Variants in TTC34 observed in about 807,000 individuals in gnomAD.
TTC34 encodes tetratricopeptide repeat protein 34.
TTC34 carries 44 observed loss-of-function variants against 40.7 expected under a neutral mutation model. The ratio of observed to expected loss-of-function variants is 1.08; its 90% CI spans 0.85 to 1.39. The LOEUF (loss-of-function observed/expected upper bound fraction) is 1.39, where lower values mean the gene tolerates loss of function less well. TTC34 is among the 40% of genes most tolerant of loss of function. TTC34 has a pLI of 0.00. For missense variants in TTC34, 884 were observed against 838.0 expected, an observed-to-expected ratio of 1.05 and a Z score of -0.68; for synonymous variants, 422 against 398.6, an observed-to-expected ratio of 1.06 and a Z score of -0.70.
chr1:2,691,968 T>G lies in TTC34; in HGVS notation c.2227-46405A>C, dbSNP rs545832665. Among the ~76,000 whole-genome samples the G allele has an allele frequency of 9.8e-4, 76 of 77,386 alleles. 3 individuals carry two copies. The highest frequency in any genetic ancestry group is 8.7e-3 in the South Asian group (22 of 2,540). 50.8% of individuals were successfully genotyped at this position (77,386 alleles called of 152,430 possible). A position where few individuals can be genotyped will look rare whatever the true frequency, so the allele number is the denominator to read the frequency against. ...AACCCCAGGTGAGCATCTGACAGAC[T>G]GGAACAGCTCCCACACCCCCAGGCG... is the stretch of plus-strand genomic sequence containing the variant. On this transcript the variant is annotated intron_variant, in intron 6 of 8. Coordinates refer to ENST00000401095, the Ensembl canonical transcript of TTC34.
At chr1:2,749,478 C>CGA (rs1641247079) in intron 6 of TTC34, among the ~76,000 whole-genome samples, 1 of 105,528 alleles carries the variant, frequency 9.5e-6, no homozygotes, top group Non-Finnish European at 1.9e-5. Flanking sequence ...GGAACAGCAC[C>CGA]CACATCCCCA....
chr1:2,749,924 AC>A (rs1641261505), intron 6 of TTC34, among the ~76,000 whole-genome samples: 4 of 21,620 alleles, frequency 1.9e-4, no homozygotes, highest in African/African-American at 1.3e-3. Flanking sequence ...GGCACCCACA[AC>A]CCCAGGCGAG....
intron 6 of TTC34, among the ~76,000 whole-genome samples, chr1:2,687,240 C>T (rs1444051327): frequency 1.4e-5 from 2 of 138,852 alleles, no homozygotes; most frequent in African/African-American, 2.9e-5. Context: ...GAGCAGCACC[C>T]ACACCCCCAG....
chr1:2,787,570 C>G, exon 4 of TTC34: 3 of 1,546,408 alleles, frequency 1.9e-6, no homozygotes, highest in Non-Finnish European at 2.6e-6. Context: ...CGGGATAGGG[C>G]CACCAGCAGG....
intron 6 of TTC34, among the ~76,000 whole-genome samples, chr1:2,769,405 C>T (rs1396251149): frequency 3.3e-5 from 1 of 30,066 alleles, no homozygotes; most frequent in African/African-American, 2.1e-4. Context: ...GAGCATCTGA[C>T]AGCCTGGAAC....
At chr1:2,687,962 C>G (rs1640441762) in intron 6 of TTC34, among the ~76,000 whole-genome samples, 3 of 151,454 alleles carry the variant, frequency 2.0e-5, no homozygotes, top group Non-Finnish European at 4.4e-5. Context: ...GAACAGCACG[C>G]GCACCCCCAG....
At chr1:2,784,779 T>C (rs1156841376) in intron 5 of TTC34, among the ~76,000 whole-genome samples, 1 of 152,276 alleles carries the variant, frequency 6.6e-6, no homozygotes, top group Non-Finnish European at 1.5e-5. Context: ...TCTCTATATC[T>C]AATTTGTATC....
intron 6 of TTC34, among the ~76,000 whole-genome samples, chr1:2,681,900 C>G (rs1481923856): frequency 2.5e-5 from 3 of 121,592 alleles, no homozygotes; most frequent in East Asian, 2.1e-4. Flanking sequence ...GAACAACAGC[C>G]TGCACCACCA....
chr1:2,757,663 AC>A (rs1641551743), intron 6 of TTC34, among the ~76,000 whole-genome samples: 1 of 144,354 alleles, frequency 6.9e-6, no homozygotes, highest in African/African-American at 2.7e-5. Context: ...CTGGAGCAGG[AC>A]CCACACCCCT....
Position 2,755,740 on chromosome 1 carries a change from A to C in TTC34, c.2226+27869T>G, listed in dbSNP as rs1404503379. Among the ~76,000 whole-genome samples the C allele has an allele frequency of 5.9e-3, 358 of 60,244 alleles. 1 individual carries two copies. Among genetic ancestry groups the C allele is most frequent in the Middle Eastern group, 0.017 (3 of 178 alleles). 39.5% of individuals were successfully genotyped at this position (60,244 alleles called of 152,430 possible). A position where few individuals can be genotyped will look rare whatever the true frequency, so the allele number is the denominator to read the frequency against. On this transcript the variant is annotated intron_variant, in intron 6 of 8. Transcript: ENST00000401095. The stretch of plus-strand genomic sequence containing the variant: ...CATCCGACAGCCTGGAGCAGCACCC[A>C]CACACCCAGGCGAGCATCTGACAGC...
At chr1:2,646,239 C>T (rs1216968210) in intron 6 of TTC34, among the ~76,000 whole-genome samples, 1 of 152,236 alleles carries the variant, frequency 6.6e-6, no homozygotes, top group Non-Finnish European at 1.5e-5. Flanking sequence ...CACCCTACCA[C>T]AGTCTATGTA....
At chr1:2,799,620 G>A (rs940960821) in intron 2 of TTC34, among the ~76,000 whole-genome samples, 1 of 151,764 alleles carries the variant, frequency 6.6e-6, no homozygotes, top group Admixed American at 6.6e-5. Flanking sequence ...CAAGGGCCTT[G>A]GGAGGCCAGG....
intron 6 of TTC34, among the ~76,000 whole-genome samples, chr1:2,782,387 T>C (rs1199449813): frequency 6.6e-6 from 1 of 152,322 alleles, no homozygotes; most frequent in Non-Finnish European, 1.5e-5. Context: ...ATTTTCTCTT[T>C]CTTAGTCCAC....
chr1:2,753,273 C>T (rs1401042929), intron 6 of TTC34, among the ~76,000 whole-genome samples: 34 of 107,780 alleles, frequency 3.2e-4, no homozygotes, highest in South Asian at 7.0e-4. Flanking sequence ...GAGCATCTGA[C>T]AGCCTGGAAC....
chr1:2,683,630 C>A (rs569665246), intron 6 of TTC34, among the ~76,000 whole-genome samples: 2 of 148,932 alleles, frequency 1.3e-5, no homozygotes, highest in African/African-American at 5.2e-5. Context: ...GCAGCACCCA[C>A]ACCCCCAGGT....
chr1:2,642,304 G>A (rs753474057), intron 8 of TTC34, among the ~76,000 whole-genome samples: 14 of 152,070 alleles, frequency 9.2e-5, no homozygotes, highest in South Asian at 2.1e-4. Context: ...TGACCACACC[G>A]GCCTCCTCCC....
chr1:2,769,826 C>T (rs1466267769), intron 6 of TTC34, among the ~76,000 whole-genome samples: 3 of 121,400 alleles, frequency 2.5e-5, no homozygotes, highest in Non-Finnish European at 5.1e-5. Context: ...GGAGCAGGCG[C>T]CCACAATCCC....
intron 8 of TTC34, among the ~76,000 whole-genome samples, chr1:2,643,147 G>A (rs565737621): frequency 2.0e-5 from 3 of 152,280 alleles, no homozygotes; most frequent in South Asian, 2.1e-4. Flanking sequence ...CAGTGGGGAA[G>A]GGCGCTCAAT....
intron 6 of TTC34, among the ~76,000 whole-genome samples, chr1:2,746,514 C>A (rs1319298689): frequency 2.8e-5 from 1 of 35,932 alleles, no homozygotes; most frequent in Non-Finnish European, 4.2e-5. Context: ...GGGCACACCC[C>A]CAGGTGAGGA....
Sources: allele counts gnomAD v4.1 joint callset (sites outside exome capture counted in the v4.1 genomes callset), GRCh38; gene constraint gnomAD v4.1.1; transcripts MANE v1.5; gene names NCBI Gene and HGNC (gene_info 2026-07-23, HGNC 2026-07-21).